The following ELN variants were observed in gnomAD, a reference collection of about 807,000 sequenced individuals.
ELN encodes the protein tropoelastin.
ELN carries 65 observed loss-of-function variants against 105.8 expected under a neutral mutation model. That is an observed-to-expected ratio of 0.61 (90% confidence interval 0.50 to 0.75). The LOEUF (loss-of-function observed/expected upper bound fraction) is 0.75. ELN is among the 30% of genes least tolerant of loss of function. ELN has a pLI of 0.00. For synonymous variants in ELN, 368 were observed against 389.2 expected, an observed-to-expected ratio of 0.95 and a Z score of 0.64; for missense variants, 882 against 969.4, an observed-to-expected ratio of 0.91 and a Z score of 1.20.
At chr7:74,034,904 C>T (rs1202871551) in intron 1 of ELN, among the ~76,000 whole-genome samples, 2 of 152,124 alleles carry the variant, frequency 1.3e-5, no homozygotes, top group African/African-American at 2.4e-5. Context: ...GGTTCAAGAC[C>T]AGCCTGCCCA....
intron 22 of ELN, 101 bp from the exon 23 acceptor site, chr7:74,059,784 CA>C: frequency 2.5e-6 from 2 of 790,894 alleles, no homozygotes; most frequent in Non-Finnish European, 4.6e-6. Context: ...CAGGGTCACA[CA>C]GCAAATCTAT....
chr7:74,051,745 A>T lies in ELN; in HGVS notation c.800-5A>T. 2 of 1,614,120 alleles carry T rather than the reference A, an allele frequency of 1.2e-6. No homozygotes were observed. Among genetic ancestry groups the T allele is most frequent in the Non-Finnish European group, 1.7e-6 (2 of 1,180,006 alleles). ...AACTACATTGCACTGTCCCCATCTC[A>T]ACAGGTGCTGGAGCAGCCGGAGTCC... On this transcript the variant is annotated splice_polypyrimidine_tract_variant and splice_region_variant and intron_variant, in intron 15 of 32. Coordinates refer to ENST00000252034, the MANE Select transcript of ELN (RefSeq NM_000501.4).
At chr7:74,057,961 G>C (rs946583729) in intron 22 of ELN, among the ~76,000 whole-genome samples, 2 of 152,062 alleles carry the variant, frequency 1.3e-5, no homozygotes, top group African/African-American at 4.8e-5. Flanking sequence ...TTGGGGACCT[G>C]ACCTCATGCT....
At chr7:74,032,338 T>C (rs2131007427) in intron 1 of ELN, among the ~76,000 whole-genome samples, 1 of 152,244 alleles carries the variant, frequency 6.6e-6, no homozygotes. Flanking sequence ...AGCTCAGCCC[T>C]GGTGCGGGGG....
At chr7:74,046,369 C>T in intron 11 of ELN, 152 bp downstream of exon 11, 2 of 1,146,406 alleles carry the variant, frequency 1.7e-6, no homozygotes, top group Non-Finnish European at 1.3e-6. Context: ...CACAAAGTGG[C>T]ACCCATCCCA....
At position 74,028,197 on chromosome 7, in the gene ELN, C is replaced by A; in HGVS notation, c.10C>A (p.Leu4Met). The A allele has an allele frequency of 1.2e-6, 2 of 1,610,944 alleles. No homozygotes were observed. The highest frequency in any genetic ancestry group is 1.3e-5 in the African/African-American group (1 of 74,854). MAG[L>M]TAAAPRPGVL... ...GGCATTTCTCCCCGAGATGGCGGGT[C>A]TGACGGCGGCGGCCCCGCGGCCCGG... The change falls in exon 1 of 33, where the codon CTG becomes ATG. Residue 4 changes from leucine (L) to methionine (M), a missense_variant. By Grantham distance (15) the Leu-to-Met change is conservative. Transcript: ENST00000252034.
intron 4 of ELN, among the ~76,000 whole-genome samples, chr7:74,038,960 T>C (rs1399708763): frequency 6.6e-6 from 1 of 152,160 alleles, no homozygotes; most frequent in African/African-American, 2.4e-5. Context: ...CTATACCCTG[T>C]CTTCCTGGAG....
In ELN at chr7:74,047,743, G is replaced by A. The variant is rs368987699; in HGVS notation, c.685+27G>A. The A allele has an allele frequency of 1.9e-6, 3 of 1,613,950 alleles. No homozygotes were observed. The African/African-American group carries it at 4.0e-5, about 22-fold the overall frequency. On this transcript the variant is annotated intron_variant, in intron 13 of 32. Coordinates refer to ENST00000252034, the MANE Select transcript of ELN (RefSeq NM_000501.4). ...TGAGTGAGACCCTTCTAGACTGTGGGCTTCCAGCTCTTTCCCTCTCCAGGG... is the reference window on the plus strand; with the variant it reads ...TGAGTGAGACCCTTCTAGACTGTGGACTTCCAGCTCTTTCCCTCTCCAGGG...
At chr7:74,041,140 C>T in intron 4 of ELN, 76 bp from the exon 5 acceptor site, 1 of 1,602,592 alleles carries the variant, frequency 6.2e-7, no homozygotes, top group South Asian at 1.1e-5. Flanking sequence ...ACAGCACTGC[C>T]CTAACTCCAG....
At chr7:74,042,450 G>C (rs1045053159) in intron 5 of ELN, among the ~76,000 whole-genome samples, 164 bp from the exon 6 acceptor site, 1 of 151,664 alleles carries the variant, frequency 6.6e-6, no homozygotes, top group Non-Finnish European at 1.5e-5. Flanking sequence ...ATCCATTACC[G>C]GTGAGCAGTG....
Position 74,046,677 on chromosome 7 carries a change from G to T in ELN, c.572-19G>T, listed in dbSNP as rs782109233. 6.2e-7 allele frequency: 1 copy of T among 1,613,982 alleles called. No homozygotes were observed. The highest frequency in any genetic ancestry group is 2.2e-5 in the East Asian group (1 of 44,900). On this transcript the variant is annotated intron_variant, in intron 11 of 32. Transcript: ENST00000252034. ...GAAGGGGGTGCTGGGACCTGAACTT[G>T]CTCTCTTTATTCCCACAGGAGTTGG... is the stretch of plus-strand genomic sequence containing the variant.
At chr7:74,068,624 G>C (rs375116173) in intron 32 of ELN, 33 bp from the exon 33 acceptor site, 6 of 1,613,854 alleles carry the variant, frequency 3.7e-6, no homozygotes, top group Non-Finnish European at 5.1e-6. Context: ...AGAGGGGCCG[G>C]ACTCACAGTG....
At chr7:74,040,668 CG>C (rs1275531870) in intron 4 of ELN, among the ~76,000 whole-genome samples, 1 of 152,100 alleles carries the variant, frequency 6.6e-6, no homozygotes, top group African/African-American at 2.4e-5. Context: ...CAGTGGGAGA[CG>C]AAGCGATTGG....
chr7:74,058,032 CCTT>C (rs1309521463), intron 22 of ELN, among the ~76,000 whole-genome samples: 4 of 151,738 alleles, frequency 2.6e-5, no homozygotes, highest in Non-Finnish European at 4.4e-5. Context: ...TTCTCCTTCT[CCTT>C]CTTCTTCTTG....
chr7:74,036,548 C>A lies in ELN; in HGVS notation c.134-7C>A, dbSNP rs782721415. ...TGATCTCTCTTTCTCTTTCTCTCCC[C>A]CCACAGGGGCTGGTCTCGGAGCCCT... is the stretch of plus-strand genomic sequence containing the variant. On this transcript the variant is annotated splice_polypyrimidine_tract_variant and splice_region_variant and intron_variant, in intron 2 of 32. Coordinates refer to ENST00000252034, the MANE Select transcript of ELN (RefSeq NM_000501.4). 47 of 1,613,934 alleles carry A rather than the reference C, an allele frequency of 2.9e-5. No individual in the cohort carries two copies. Among genetic ancestry groups the A allele is most frequent in the African/African-American group, 4.0e-5 (3 of 74,924 alleles).
rs1796270066 is a variant in ELN, at chr7:74,060,061, G to A, written c.1576+14G>A. Reference sequence around the variant, plus strand: ...GTGGAGTTGCAGGTGAGTTTCATGAGTCAATGAGCCTGAGGGGCCCCCGAA... The same window carrying A: ...GTGGAGTTGCAGGTGAGTTTCATGAATCAATGAGCCTGAGGGGCCCCCGAA... On this transcript the variant is annotated intron_variant, in intron 23 of 32. Transcript: ENST00000252034. 1.2e-6 allele frequency: 2 copies of A among 1,613,990 alleles called. No homozygotes were observed. Among genetic ancestry groups the A allele is most frequent in the Non-Finnish European group, 1.7e-6 (2 of 1,180,022 alleles).
intron 29 of ELN, 61 bp from the exon 30 acceptor site, chr7:74,065,633 A>G: frequency 1.3e-6 from 2 of 1,580,528 alleles, no homozygotes; most frequent in South Asian, 2.3e-5. Context: ...AAAAAAAAAA[A>G]AGACAGGGCC....
At chr7:74,039,519 C>T (rs1233249653) in intron 4 of ELN, among the ~76,000 whole-genome samples, 1 of 152,234 alleles carries the variant, frequency 6.6e-6, no homozygotes, top group African/African-American at 2.4e-5. Flanking sequence ...CAATTAATCC[C>T]TTGGTGACAG....
rs782513843 is a variant in ELN, at chr7:74,041,234, G to C, written c.215G>C (p.Gly72Ala). 1 of 1,614,032 alleles carries C rather than the reference G, an allele frequency of 6.2e-7. No individual in the cohort carries two copies. Among genetic ancestry groups the C allele is most frequent in the African/African-American group, 1.3e-5 (1 of 75,036 alleles). The stretch of plus-strand genomic sequence containing the variant: ...TCCACAGTTCCCGGAGGGCTTGCGG[G>C]TGCTGGCCTTGGGGCAGGTGAGTGC... ...PLKPVPGGLAGAGLGAGLGAF... is the reference protein window; with the variant it reads ...PLKPVPGGLAAAGLGAGLGAF... Residue 72 changes from glycine to alanine, a missense_variant, in exon 5 of 33, where the codon GGT becomes GCT. By Grantham distance (60) the Gly-to-Ala change is moderately conservative. Coordinates refer to ENST00000252034, the MANE Select transcript of ELN (RefSeq NM_000501.4).
Sources: allele counts gnomAD v4.1 joint callset (sites outside exome capture counted in the v4.1 genomes callset), GRCh38; gene constraint gnomAD v4.1.1; transcripts MANE v1.5; gene names NCBI Gene and HGNC (gene_info 2026-07-23, HGNC 2026-07-21).